The following BICD1 variants were observed in gnomAD, a reference collection of about 807,000 sequenced individuals.
BICD1 encodes the protein BICD cargo adaptor 1.
A neutral mutation model predicts 92.5 loss-of-function variants in BICD1; 35 were observed. That is an observed-to-expected ratio of 0.38 (90% CI 0.29 to 0.50). BICD1 has a LOEUF of 0.50. BICD1 is among the 20% of genes least tolerant of loss of function. BICD1 has a pLI of 0.93. For synonymous variants in BICD1, 429 were observed against 465.1 expected (o/e 0.92, Z 1.00); for missense variants, 950 against 1,189.8 (o/e 0.80, Z 2.97).
intron 1 of BICD1, among the ~76,000 whole-genome samples, chr12:32,160,566 G>A (rs912511307): frequency 6.6e-6 from 1 of 151,950 alleles, no homozygotes; most frequent in Admixed American, 6.6e-5. Flanking sequence ...TCAGTATCAA[G>A]TGTGGTAAAT....
chr12:32,208,633 T>C (rs1325390175), intron 1 of BICD1, among the ~76,000 whole-genome samples: 1 of 152,146 alleles, frequency 6.6e-6, no homozygotes, highest in Non-Finnish European at 1.5e-5. Context: ...CCTGGCTGGG[T>C]ACTTCTGAGT....
intron 2 of BICD1, among the ~76,000 whole-genome samples, chr12:32,275,820 G>A (rs1028092251): frequency 6.6e-5 from 10 of 152,156 alleles, no homozygotes; most frequent in African/African-American, 2.4e-4. Context: ...AAGTGCCTGG[G>A]TTCGTCCTAA....
intron 1 of BICD1, among the ~76,000 whole-genome samples, chr12:32,130,479 C>T (rs1252804665): frequency 6.6e-6 from 1 of 152,222 alleles, no homozygotes; most frequent in Non-Finnish European, 1.5e-5. Context: ...GCGTGAGCCA[C>T]CACGCCCGGC....
At chr12:32,238,944 CAAAAA>C (rs111403291) in intron 2 of BICD1, among the ~76,000 whole-genome samples, 10,187 of 70,426 alleles carry the variant, frequency 0.14, 503 homozygotes, top group Middle Eastern at 0.2. Flanking sequence ...AACTCTGTCT[CAAAAA>C]AAAAAAAAAA....
At chr12:32,196,661 A>G (rs1944735650) in intron 1 of BICD1, among the ~76,000 whole-genome samples, 1 of 152,216 alleles carries the variant, frequency 6.6e-6, no homozygotes, top group South Asian at 2.1e-4. Context: ...AGAGTGTACA[A>G]ACTTTTAGTT....
rs765626321 is a variant in BICD1 at position 32,337,837 on chromosome 12, A to C, written c.2570+21A>C. The C allele has an allele frequency of 6.2e-7, 1 of 1,611,694 alleles. No homozygotes were observed. The highest frequency in any genetic ancestry group is 1.3e-5 in the African/African-American group (1 of 74,842). ...AAAAGGTATGCATGCAGCGATCTTC[A>C]TAGTACGGTGCAGTGGCCAGATTTT... On this transcript the variant is annotated intron_variant, in intron 7 of 9. Coordinates refer to ENST00000652176, the MANE Select transcript of BICD1 (RefSeq NM_001714.4). The surrounding 1 kb of genome is among the most constrained non-coding windows in gnomAD (Gnocchi z 4.7).
At chr12:32,218,759 T>C (rs1565595236) in intron 2 of BICD1, among the ~76,000 whole-genome samples, 1 of 152,230 alleles carries the variant, frequency 6.6e-6, no homozygotes, top group Non-Finnish European at 1.5e-5. Flanking sequence ...TGTTTCTTTG[T>C]CTTCTATGTG....
chr12:32,275,929 C>T (rs926727549), intron 2 of BICD1, among the ~76,000 whole-genome samples: 5 of 152,100 alleles, frequency 3.3e-5, no homozygotes, highest in South Asian at 2.1e-4. Flanking sequence ...CCTTGGAATC[C>T]GTGAGGCCAA....
At chr12:32,235,137 T>C (rs1946025836) in intron 2 of BICD1, among the ~76,000 whole-genome samples, 1 of 152,160 alleles carries the variant, frequency 6.6e-6, no homozygotes, top group Admixed American at 6.5e-5. Flanking sequence ...AGAGTGACAA[T>C]ATTTACAGGC....
chr12:32,115,387 G>GGTGTTTTTTTTTTTT (rs1941853789), intron 1 of BICD1, among the ~76,000 whole-genome samples: 1 of 142,414 alleles, frequency 7.0e-6, no homozygotes, highest in Non-Finnish European at 1.5e-5. Context: ...GGTGTTTTTG[G>GGTGTTTTTTTTTTTT]TTTTTTTTTT....
At chr12:32,289,520 G>A (rs1947668389) in intron 2 of BICD1, among the ~76,000 whole-genome samples, 1 of 152,202 alleles carries the variant, frequency 6.6e-6, no homozygotes, top group South Asian at 2.1e-4. Flanking sequence ...CAAGTAGCTA[G>A]GACTACAGGC....
rs1938239360 is a variant in BICD1 at position 32,338,839 on chromosome 12, C to A, written c.2624C>A (p.Ser875Tyr). The change falls in exon 8 of 10, where the codon TCC becomes TAC. Residue 875 changes from serine (S) to tyrosine (Y), a missense_variant. Ser to Tyr is a moderately radical substitution (Grantham distance 144, BLOSUM62 -2). Around this residue, in one of 5 missense-constraint regions of BICD1, gnomAD observed 179 missense variants for 186.7 expected, o/e 0.96. Coordinates refer to ENST00000652176, the MANE Select transcript of BICD1 (RefSeq NM_001714.4). ...DQSRPRTSGA[S>Y]YLQNLLRVPP... ...AGCCGTCCCAGGACTTCAGGGGCTT[C>A]CTACCTACAGAATTTATTAAGAGTT... 5 of 1,605,490 alleles carry A rather than the reference C, an allele frequency of 3.1e-6. No homozygotes were observed. Among genetic ancestry groups the A allele is most frequent in the Non-Finnish European group, 4.2e-6 (5 of 1,176,474 alleles).
intron 2 of BICD1, among the ~76,000 whole-genome samples, chr12:32,244,166 G>GA (rs1049378704): frequency 6.6e-6 from 1 of 151,656 alleles, no homozygotes; most frequent in Non-Finnish European, 1.5e-5. Flanking sequence ...ATGAGACTTG[G>GA]AAAAAAATCA....
intron 2 of BICD1, among the ~76,000 whole-genome samples, chr12:32,248,689 C>T (rs1389822909): frequency 6.6e-6 from 1 of 152,154 alleles, no homozygotes; most frequent in Non-Finnish European, 1.5e-5. Context: ...GATTTTGGCT[C>T]TTTAGCTCAG....
chr12:32,222,743 C>T (rs261884), intron 2 of BICD1, among the ~76,000 whole-genome samples: 9,095 of 152,122 alleles, frequency 0.06, 364 homozygotes, highest in Non-Finnish European at 0.092. Flanking sequence ...ATGAGATTAG[C>T]GAGTTTATAT....
rs2136355754 is a variant in BICD1 at position 32,381,488 on chromosome 12, T to TA, written c.*3863dup. On this transcript the variant is annotated 3_prime_UTR_variant, in exon 10 of 10. Transcript: ENST00000652176. ...AAACAAGCATGAAACATTGGTCCAA[T>TA]AACCTAAGAATGTGGAGATTTCTTG... 1 of 152,280 alleles carries TA rather than the reference T, an allele frequency of 6.6e-6. No individual in the cohort carries two copies. Among genetic ancestry groups the TA allele is most frequent in the Admixed American group, 6.5e-5 (1 of 15,286 alleles). The allele number at this position is 152,280 out of a possible 1,614,324, so 9.4% of individuals were successfully genotyped here.
Position 32,328,353 on chromosome 12 carries a change from G to A in BICD1, c.1898G>A (p.Arg633Gln). Residue 633 changes from arginine (R) to glutamine (Q), a missense_variant, in exon 5 of 10, where the codon CGG becomes CAG. By Grantham distance (43) the Arg-to-Gln change is conservative (BLOSUM62 1). Transcript: ENST00000652176. This position sits in a 1 kb window ranked among gnomAD's most constrained non-coding sequence, Gnocchi z 4.4. The stretch of plus-strand genomic sequence containing the variant: ...ATCTACAACCTTAATGCCATAATCC[G>A]GGACCAAATCAAGCATCTGCAGAAA... ...MNIYNLNAII[R>Q]DQIKHLQKAV... is the part of the protein sequence containing the mutation. 4.3e-6 allele frequency: 7 copies of A among 1,614,190 alleles called. No individual in the cohort carries two copies. Among genetic ancestry groups the A allele is most frequent in the South Asian group, 1.1e-5 (1 of 91,078 alleles).
At chr12:32,375,045 A>G (rs867679963) in intron 9 of BICD1, among the ~76,000 whole-genome samples, 1 of 147,656 alleles carries the variant, frequency 6.8e-6, no homozygotes, top group South Asian at 2.2e-4. Context: ...CAGCCTCCGG[A>G]GTAGCTGGGA....
intron 2 of BICD1, among the ~76,000 whole-genome samples, chr12:32,233,673 A>G (rs1232255681): frequency 6.6e-6 from 1 of 152,148 alleles, no homozygotes; most frequent in Admixed American, 6.5e-5. Context: ...TTCTTGGACT[A>G]AAAATAGCTC....
Sources: gnomAD v4.1 joint callset for allele counts (sites outside exome capture counted in the v4.1 genomes callset) on GRCh38, gnomAD v4.1.1 for gene constraint, gnomAD v4.1.1 regional missense constraint, Gnocchi (gnomAD v3.1) non-coding constraint, MANE v1.5 for transcripts, NCBI Gene and HGNC (gene_info 2026-07-23, HGNC 2026-07-21) for gene names.